Variants in FBL observed in about 807,000 individuals in gnomAD.
The protein encoded by FBL is rRNA 2'-O-methyltransferase fibrillarin.
A neutral mutation model predicts 42.2 loss-of-function variants in FBL; 10 were observed. The observed-to-expected ratio is 0.24, with a 90% CI of 0.15 to 0.40. The LOEUF (loss-of-function observed/expected upper bound fraction) is 0.40, where lower values mean the gene tolerates loss of function less well. FBL is among the 10% of genes least tolerant of loss of function. FBL has a pLI of 1.00. For missense variants in FBL, 351 were observed against 439.2 expected (o/e 0.80, Z 1.79); for synonymous variants, 165 against 165.4 (o/e 1.00, Z 0.02).
At chr19:39,836,993 G>A (rs748857175) in intron 6 of FBL, among the ~76,000 whole-genome samples, 5 of 152,224 alleles carry the variant, frequency 3.3e-5, no homozygotes, top group African/African-American at 7.2e-5. Flanking sequence ...AGACAGACAC[G>A]TCATCAAAAA....
intron 1 of FBL, among the ~76,000 whole-genome samples, chr19:39,842,213 G>A (rs1256580724): frequency 6.6e-6 from 1 of 151,808 alleles, no homozygotes; most frequent in Non-Finnish European, 1.5e-5. Flanking sequence ...AGCCTCCCCA[G>A]TAGCTGGGAC....
At chr19:39,846,148 G>C (rs1379742996) in intron 1 of FBL, 143 bp downstream of exon 1, 3 of 966,888 alleles carry the variant, frequency 3.1e-6, no homozygotes, top group Admixed American at 2.0e-5. Context: ...GCTGGAATCA[G>C]AATCCCCCTT....
At position 39,839,257 on chromosome 19, in the gene FBL, C is replaced by T. The variant is rs111481710; in HGVS notation, c.379-52G>A. ...AGTGCTAGGCTCTTCTGCAGGACCT[C>T]ACTGCCTTTAACCCTAGGAGCCTTG... On this transcript the variant is annotated intron_variant, in intron 4 of 8. Transcript: ENST00000221801. The T allele has an allele frequency of 2.3e-4, 336 of 1,482,678 alleles. 2 individuals are homozygous for T. The African/African-American group carries it at 4.3e-3, about 19-fold the overall frequency. 91.8% of individuals were successfully genotyped at this position (1,482,678 alleles called of 1,614,324 possible). A position where few individuals can be genotyped will look rare whatever the true frequency, so the allele number is the denominator to read the frequency against.
intron 4 of FBL, among the ~76,000 whole-genome samples, chr19:39,839,889 C>T (rs1023329840): frequency 1.3e-5 from 2 of 152,014 alleles, no homozygotes; most frequent in Non-Finnish European, 2.9e-5. Flanking sequence ...CCTGGAGAAG[C>T]AGATGATAAG....
chr19:39,839,226 GA>G, intron 4 of FBL, 21 bp from the exon 5 acceptor site: 2 of 1,598,292 alleles, frequency 1.3e-6, no homozygotes, highest in Non-Finnish European at 1.7e-6. Context: ...GATGGGGACA[GA>G]AGTCAGTGCT....
Position 39,840,099 on chromosome 19 carries a change from GCAGA to G in FBL, c.378+130_378+133del. ...GGAGTCACAGAAGGCGGATGAGGGAGCAGACAGTGTGGTTTACATATTATGACAA... is the reference window on the plus strand; with the variant it reads ...GGAGTCACAGAAGGCGGATGAGGGAGCAGTGTGGTTTACATATTATGACAA... On this transcript the variant is annotated intron_variant, in intron 4 of 8. Coordinates refer to ENST00000221801, the MANE Select transcript of FBL (RefSeq NM_001436.4). This position sits in a 1 kb window ranked among gnomAD's most constrained non-coding sequence, Gnocchi z 4.5. 1.5e-6 allele frequency: 1 copy of G among 668,070 alleles called. No homozygotes were observed. The highest frequency in any genetic ancestry group is 2.4e-5 in the Admixed American group (1 of 41,438). 41.4% of individuals were successfully genotyped at this position (668,070 alleles called of 1,614,324 possible). A position where few individuals can be genotyped will look rare whatever the true frequency, so the allele number is the denominator to read the frequency against.
rs936680046 is a variant in FBL, at chr19:39,836,600, G to A, written c.751C>T (p.His251Tyr). ...TGTCCTCCATTACGCAGGAAGGTGT[G>A]GGCATTCAGGGCCACAATCCGGGTC... ...DQTRIVALNA[H>Y]TFLRNGGHFV... The change falls in exon 7 of 9, where the codon CAC (histidine) becomes TAC (tyrosine). Residue 251 changes from histidine (H) to tyrosine (Y), a missense_variant. His to Tyr is a moderately conservative substitution (Grantham distance 83). Transcript: ENST00000221801. 1.2e-6 allele frequency: 2 copies of A among 1,614,080 alleles called. No individual in the cohort carries two copies. Among genetic ancestry groups the A allele is most frequent in the African/African-American group, 1.3e-5 (1 of 75,046 alleles).
intron 1 of FBL, among the ~76,000 whole-genome samples, chr19:39,846,069 A>G (rs910795307): frequency 3.3e-5 from 5 of 152,204 alleles, no homozygotes; most frequent in Middle Eastern, 3.4e-3. Context: ...AACACCCCCA[A>G]TGCCAGGCCC....
chr19:39,836,828 G>A (rs1287902719), intron 6 of FBL, among the ~76,000 whole-genome samples, 160 bp from the exon 7 acceptor site: 3 of 152,210 alleles, frequency 2.0e-5, no homozygotes, highest in Non-Finnish European at 4.4e-5. Context: ...AGTGTCCCAA[G>A]ATGAGTCCAA....
chr19:39,839,634 C>T (rs1424196063), intron 4 of FBL, among the ~76,000 whole-genome samples: 1 of 151,678 alleles, frequency 6.6e-6, no homozygotes, highest in African/African-American at 2.4e-5. Flanking sequence ...GTTTGGGAAG[C>T]AGGGCAAGGA....
rs117353507 is a variant in FBL at position 39,840,051 on chromosome 19, G to A, written c.378+182C>T. Among the ~76,000 whole-genome samples, 3 of 152,268 alleles carry A rather than the reference G, an allele frequency of 2.0e-5. No individual in the cohort carries two copies. Among genetic ancestry groups the A allele is most frequent in the Non-Finnish European group, 4.4e-5 (3 of 68,006 alleles). ...TCTTGGAGGCCTGAGTGAAGACTCAGGAGTCTAACTGGAAGGCCGTGGGGA... is the reference window on the plus strand; with the variant it reads ...TCTTGGAGGCCTGAGTGAAGACTCAAGAGTCTAACTGGAAGGCCGTGGGGA... On this transcript the variant is annotated intron_variant, in intron 4 of 8. Transcript: ENST00000221801. This position sits in a 1 kb window ranked among gnomAD's most constrained non-coding sequence, Gnocchi z 4.5.
At chr19:39,837,926 G>T in intron 5 of FBL, 83 bp from the exon 6 acceptor site, 1 of 1,154,270 alleles carries the variant, frequency 8.7e-7, no homozygotes, top group Non-Finnish European at 1.2e-6. Context: ...ACTATACACA[G>T]CATCTCTTCC....
At chr19:39,838,889 C>A in intron 5 of FBL, 146 bp downstream of exon 5, 2 of 722,626 alleles carry the variant, frequency 2.8e-6, no homozygotes, top group Non-Finnish European at 2.3e-6. Flanking sequence ...TGGTTCAAGC[C>A]ACTCCTTTTA....
At position 39,840,641 on chromosome 19, in the gene FBL, C is replaced by T. The variant is rs749340326; in HGVS notation, c.157G>A (p.Gly53Ser). The T allele has an allele frequency of 2.1e-5, 34 of 1,612,664 alleles. No individual in the cohort carries two copies. The highest frequency in any genetic ancestry group is 2.7e-5 in the Non-Finnish European group (32 of 1,179,466). The part of the protein sequence containing the change: ...RGRGGGGGGG[G>S]GGGGGRGGGG... Reference sequence around the variant, plus strand: ...CCACCTCTTCCTCCTCCTCCACCGCCGCCGCCGCCTCCACCTCCTCCTCGT... The same window carrying T: ...CCACCTCTTCCTCCTCCTCCACCGCTGCCGCCGCCTCCACCTCCTCCTCGT... Residue 53 changes from glycine to serine, a missense_variant, in exon 2 of 9, where the codon GGC (glycine) becomes AGC (serine). Gly to Ser is a moderately conservative substitution (Grantham distance 56). Coordinates refer to ENST00000221801, the MANE Select transcript of FBL (RefSeq NM_001436.4). This position sits in a 1 kb window ranked among gnomAD's most constrained non-coding sequence, Gnocchi z 4.5.
chr19:39,841,831 G>A (rs1471894795), intron 1 of FBL, among the ~76,000 whole-genome samples: 1 of 152,240 alleles, frequency 6.6e-6, no homozygotes, highest in Non-Finnish European at 1.5e-5. Flanking sequence ...TTTGCGACTT[G>A]TCAGTAAGAT....
In FBL at chr19:39,837,600, A is replaced by G. The variant is rs74395630; in HGVS notation, c.682+111T>C. 2.9e-3 allele frequency: 2,816 copies of G among 967,668 alleles called. 32 individuals are homozygous for G. The African/African-American group carries it at 0.032, about 11-fold the overall frequency. 59.9% of individuals were successfully genotyped at this position (967,668 alleles called of 1,614,324 possible). On this transcript the variant is annotated intron_variant, in intron 6 of 8. Transcript: ENST00000221801. Reference sequence around the variant, plus strand: ...ACCCCTTTCTATTCCTGCAGACTCAAGAGGTCTGCTCATCCACTCCAACTC... The same window carrying G: ...ACCCCTTTCTATTCCTGCAGACTCAGGAGGTCTGCTCATCCACTCCAACTC...
At chr19:39,836,742 C>A in intron 6 of FBL, 74 bp from the exon 7 acceptor site, 2 of 1,089,236 alleles carry the variant, frequency 1.8e-6, no homozygotes, top group South Asian at 1.5e-5. Context: ...GGGCCTATGC[C>A]CATCACCAGC....
intron 1 of FBL, among the ~76,000 whole-genome samples, chr19:39,844,449 C>T (rs1969220626): frequency 6.7e-6 from 1 of 150,134 alleles, no homozygotes; most frequent in Non-Finnish European, 1.5e-5. Flanking sequence ...TTCACACAAA[C>T]TTTTCCAGTA....
chr19:39,838,794 G>A, intron 5 of FBL: 4 of 431,610 alleles, frequency 9.3e-6, no homozygotes, highest in Admixed American at 3.9e-5. Context: ...TATACTCCCC[G>A]TTGTCTCTCT....
Sources: allele counts gnomAD v4.1 joint callset (sites outside exome capture counted in the v4.1 genomes callset), GRCh38; gene constraint gnomAD v4.1.1; non-coding constraint Gnocchi (gnomAD v3.1); transcripts MANE v1.5; gene names NCBI Gene and HGNC (gene_info 2026-07-23, HGNC 2026-07-21).